Variants in LIG1 observed in about 807,000 individuals in gnomAD.
LIG1 encodes DNA ligase 1.
A neutral mutation model predicts 115.7 loss-of-function variants in LIG1; 70 were observed. The observed-to-expected ratio is 0.60, with a 90% CI of 0.50 to 0.74. The LOEUF is 0.74. LIG1 is among the 30% of genes least tolerant of loss of function. The pLI is 0.00. For synonymous variants in LIG1, 487 were observed against 495.3 expected (o/e 0.98, Z 0.22); for missense variants, 1,115 against 1,225.6 (o/e 0.91, Z 1.35).
At chr19:48,151,511 C>T in intron 6 of LIG1, 172 bp from the exon 7 acceptor site, 1 of 539,576 alleles carries the variant, frequency 1.9e-6, no homozygotes, top group Non-Finnish European at 3.4e-6. Context: ...CTCACTGCAA[C>T]CTCTGCCTCC....
At chr19:48,165,017 C>CT (rs1438847639) in intron 2 of LIG1, among the ~76,000 whole-genome samples, 2 of 152,164 alleles carry the variant, frequency 1.3e-5, no homozygotes. Context: ...TCCCAGCACT[C>CT]TGGGAGGCCG....
chr19:48,142,447 A>AAAAAAAAAAAAAAAAAAC (rs1431505727), intron 11 of LIG1, among the ~76,000 whole-genome samples: 6 of 150,024 alleles, frequency 4.0e-5, no homozygotes, highest in East Asian at 2.0e-4. Flanking sequence ...CATCTCAAAA[A>AAAAAAAAAAAAAAAAAAC]AAAAAAAAAA....
chr19:48,132,207 A>G (rs1599770679), intron 18 of LIG1, among the ~76,000 whole-genome samples: 1 of 151,870 alleles, frequency 6.6e-6, no homozygotes, highest in South Asian at 2.1e-4. Flanking sequence ...GCTCCCACCC[A>G]CTTTGCCTGC....
At chr19:48,138,429 C>T (rs1273137285) in intron 12 of LIG1, among the ~76,000 whole-genome samples, 1 of 152,250 alleles carries the variant, frequency 6.6e-6, no homozygotes, top group African/African-American at 2.4e-5. Context: ...GTGCGCGTTT[C>T]AGTCCACAGA....
chr19:48,118,831 C>A (rs1160823359), intron 25 of LIG1, among the ~76,000 whole-genome samples: 1 of 152,222 alleles, frequency 6.6e-6, no homozygotes, highest in African/African-American at 2.4e-5. Flanking sequence ...TTGATCAGGG[C>A]TCACAGGCAC....
At position 48,162,338 on chromosome 19, in the gene LIG1, G is replaced by T. The variant is rs772179846; in HGVS notation, c.31C>A (p.Pro11Thr). Reference sequence around the variant, plus strand: ...TTCTTTGCTTTACCCTCTTTCTTGGGGTGGAAAAATGACCTAGAGGAGCAT... The same window carrying T: ...TTCTTTGCTTTACCCTCTTTCTTGGTGTGGAAAAATGACCTAGAGGAGCAT... Reference protein sequence around the residue: MQRSIMSFFHPKKEGKAKKPE... With the variant: MQRSIMSFFHTKKEGKAKKPE... The change falls in exon 3 of 28, where the codon CCC becomes ACC. Residue 11 changes from proline (P) to threonine (T), a missense_variant. Transcript: ENST00000263274. 6.2e-7 allele frequency: 1 copy of T among 1,613,640 alleles called. No homozygotes were observed. Among genetic ancestry groups the T allele is most frequent in the Non-Finnish European group, 8.5e-7 (1 of 1,179,814 alleles).
chr19:48,120,549 A>G (rs2033190235), intron 24 of LIG1: 2 of 985,208 alleles, frequency 2.0e-6, no homozygotes, highest in Non-Finnish European at 2.4e-6. Context: ...AAATGTGCAC[A>G]GCTTTAAGAA....
At chr19:48,150,880 TG>T (rs2035429179) in intron 7 of LIG1, among the ~76,000 whole-genome samples, 1 of 151,650 alleles carries the variant, frequency 6.6e-6, no homozygotes, top group Non-Finnish European at 1.5e-5. Context: ...GTATTTTTTT[TG>T]GTAGAAATGG....
intron 12 of LIG1, 49 bp downstream of exon 12, chr19:48,139,922 C>CT: frequency 6.2e-7 from 1 of 1,603,472 alleles, no homozygotes; most frequent in Non-Finnish European, 8.5e-7. Flanking sequence ...TGCATTTTCT[C>CT]TGGCTGAGCT....
rs747005561 is a variant in LIG1, at chr19:48,137,505, C to A, written c.1254+17G>T. 7 of 1,609,906 alleles carry A rather than the reference C, an allele frequency of 4.3e-6. No individual in the cohort carries two copies. Among genetic ancestry groups the A allele is most frequent in the Middle Eastern group, 1.7e-4 (1 of 5,872 alleles). Reference sequence around the variant, plus strand: ...CAAGATGTCTGGGGTCCGGGATGAGCGGCCCGCCCCACTCACAGCACTGCC... The same window carrying A: ...CAAGATGTCTGGGGTCCGGGATGAGAGGCCCGCCCCACTCACAGCACTGCC... On this transcript the variant is annotated intron_variant, in intron 13 of 27. Transcript: ENST00000263274. This position sits in a 1 kb window ranked among gnomAD's most constrained non-coding sequence, Gnocchi z 4.3.
At chr19:48,150,421 T>G (rs189805959) in intron 7 of LIG1, among the ~76,000 whole-genome samples, 1 of 152,278 alleles carries the variant, frequency 6.6e-6, no homozygotes, top group East Asian at 1.9e-4. Context: ...TGGCCTGAAA[T>G]AGGAGACTTA....
At chr19:48,143,757 T>C (rs2034935504) in intron 10 of LIG1, 126 bp downstream of exon 10, 2 of 1,081,590 alleles carry the variant, frequency 1.8e-6, no homozygotes, top group Non-Finnish European at 2.9e-6. Flanking sequence ...CTTTCAATGC[T>C]GCTGATTGTC....
intron 1 of LIG1, chr19:48,169,874 G>A (rs1435941495): frequency 6.8e-6 from 1 of 146,922 alleles, no homozygotes; most frequent in African/African-American, 3.3e-5. Flanking sequence ...CCCTCGGGGG[G>A]CCTTCCGATT....
rs970125223 is a variant in LIG1, at chr19:48,132,880, T to G, written c.1725+102A>C. 1.3e-5 allele frequency: 10 copies of G among 799,470 alleles called. No homozygotes were observed. The South Asian group carries it at 1.3e-4, about 11-fold the overall frequency. 49.5% of individuals were successfully genotyped at this position (799,470 alleles called of 1,614,324 possible). A position where few individuals can be genotyped will look rare whatever the true frequency, so the allele number is the denominator to read the frequency against. On this transcript the variant is annotated intron_variant, in intron 18 of 27. Coordinates refer to ENST00000263274, the MANE Select transcript of LIG1 (RefSeq NM_000234.3). ...AGAGAGATGAGCGAGGGCTCGGCAG[T>G]CTGTGGCGCAGGCCGGCTTGAAGCT... is the stretch of plus-strand genomic sequence containing the variant.
At chr19:48,118,580 C>T (rs1204161196) in intron 25 of LIG1, 1 of 129,388 alleles carries the variant, frequency 7.7e-6, no homozygotes, top group Non-Finnish European at 1.6e-5. Flanking sequence ...ACTCTGTTTC[C>T]CAGGCTGGAG....
rs187245187 is a variant in LIG1, at chr19:48,143,618, C to T, written c.858-19G>A. 40 of 1,608,520 alleles carry T rather than the reference C, an allele frequency of 2.5e-5. No homozygotes were observed. Among genetic ancestry groups the T allele is most frequent in the South Asian group, 2.2e-4 (20 of 90,978 alleles). On this transcript the variant is annotated intron_variant, in intron 10 of 27. Transcript: ENST00000263274. ...AGGAACCCTAGGGAAGGAAAAGAGA[C>T]GCAAGAGTGACAGTGGTGCAGGCTA...
At chr19:48,134,793 G>A (rs750233653) in intron 16 of LIG1, among the ~76,000 whole-genome samples, 23 of 152,266 alleles carry the variant, frequency 1.5e-4, no homozygotes, top group Non-Finnish European at 2.6e-4. Flanking sequence ...CTTGCTGCCC[G>A]GGCCTGTTCA....
intron 21 of LIG1, 169 bp from the exon 22 acceptor site, chr19:48,123,487 A>C (rs1016798424): frequency 5.9e-5 from 45 of 760,192 alleles, no homozygotes; most frequent in South Asian, 5.2e-4. Flanking sequence ...GAGAGCTTAA[A>C]GCATGGGGCT....
intron 26 of LIG1, among the ~76,000 whole-genome samples, chr19:48,116,575 C>A (rs1391061650): frequency 6.6e-5 from 10 of 152,128 alleles, no homozygotes; most frequent in Non-Finnish European, 1.0e-4. Context: ...CCAATCCCAG[C>A]TCCCAACTCT....
Sources: gnomAD v4.1 joint callset for allele counts (sites outside exome capture counted in the v4.1 genomes callset) on GRCh38, gnomAD v4.1.1 for gene constraint, Gnocchi (gnomAD v3.1) non-coding constraint, MANE v1.5 for transcripts, NCBI Gene and HGNC (gene_info 2026-07-23, HGNC 2026-07-21) for gene names.